The following FAAH2 variants were observed in gnomAD, a reference collection of about 807,000 sequenced individuals.
The protein encoded by FAAH2 is fatty acid amide hydrolase 2, also known as fatty-acid amide hydrolase 2.
In FAAH2, 60 loss-of-function variants were observed where a neutral mutation model predicts 36.9. The observed-to-expected ratio is 1.63, with a 90% CI of 1.32 to 2.02. The LOEUF (loss-of-function observed/expected upper bound fraction) is 2.02, where lower values mean the gene tolerates loss of function less well. Ranked by LOEUF, FAAH2 falls within the 30% of genes most tolerant of loss-of-function variation. The pLI is 0.00. For missense variants in FAAH2, 689 were observed against 397.5 expected (o/e 1.73, Z -6.23); for synonymous variants, 214 against 143.8 (o/e 1.49, Z -3.49).
intron 2 of FAAH2, among the ~76,000 whole-genome samples, chrX:57,299,586 G>T (rs7472965): frequency 8.0e-5 from 9 of 111,977 alleles, no homozygotes; most frequent in African/African-American, 2.9e-4. Flanking sequence ...ATTCAACATA[G>T]TGTTGGAAGT....
In FAAH2 at chrX:57,326,994, T is replaced by C. The variant is rs1053808538; in HGVS notation, c.413-4604T>C. 1.3e-4 allele frequency among the ~76,000 whole-genome samples: 14 copies of C among 106,036 alleles called. 1 individual carries two copies. In the South Asian group the frequency reaches 5.5e-3, roughly 42 times the overall value. 92.1% of individuals were successfully genotyped at this position (106,036 alleles called of 115,157 possible). On this transcript the variant is annotated intron_variant, in intron 3 of 10. Transcript: ENST00000374900. ...GGCTGGTATCGGTTGTTCCTTTCCA[T>C]GTTTAGTGCTTCCTTCAGGAGCTCT...
chrX:57,132,299 A>G, the FAAH2 span, among the ~76,000 whole-genome samples: 23 of 112,213 alleles, frequency 2.0e-4, no homozygotes, highest in Admixed American at 2.0e-3. Context: ...TATGAGAGTT[A>G]TCCAGAGCGG....
chrX:57,249,335 C>A, the FAAH2 span, among the ~76,000 whole-genome samples: 2 of 111,612 alleles, frequency 1.8e-5, no homozygotes, highest in African/African-American at 6.5e-5. Flanking sequence ...AAAACAAAAC[C>A]ATTAAGACCT....
chrX:57,453,284 T>C (rs977030004), intron 10 of FAAH2, among the ~76,000 whole-genome samples: 1 of 112,487 alleles, frequency 8.9e-6, no homozygotes, highest in Admixed American at 9.4e-5. Context: ...ATATATTAAC[T>C]AAAGCATCTA....
chrX:57,471,560 G>A (rs2057166679), intron 10 of FAAH2, among the ~76,000 whole-genome samples: 1 of 111,592 alleles, frequency 9.0e-6, no homozygotes, highest in African/African-American at 3.3e-5. Flanking sequence ...TCTTCAAGGA[G>A]AACTACAAAC....
chrX:57,408,503 A>C lies in FAAH2; in HGVS notation c.997-23415A>C, dbSNP rs2055620694. ...GTATGAGAACATGTCATCTGCAAAC[A>C]CAATTTTGCATTTTCCTTTCCAATT... is the stretch of plus-strand genomic sequence containing the variant. On this transcript the variant is annotated intron_variant, in intron 7 of 10. Coordinates refer to ENST00000374900, the MANE Select transcript of FAAH2 (RefSeq NM_174912.4). Among the ~76,000 whole-genome samples, 3 of 109,394 alleles carry C rather than the reference A, an allele frequency of 2.7e-5. No individual in the cohort carries two copies. The South Asian group carries it at 1.2e-3, about 43-fold the overall frequency. 95.0% of individuals were successfully genotyped at this position (109,394 alleles called of 115,157 possible).
intron 10 of FAAH2, among the ~76,000 whole-genome samples, chrX:57,466,673 T>C (rs906489025): frequency 1.8e-5 from 2 of 111,113 alleles, no homozygotes; most frequent in African/African-American, 6.5e-5. Context: ...AGATTGAAAC[T>C]AAAAGGATGG....
chrX:57,435,004 A>G (rs1452925861), intron 8 of FAAH2, among the ~76,000 whole-genome samples: 1 of 111,565 alleles, frequency 9.0e-6, no homozygotes, highest in South Asian at 3.7e-4. Flanking sequence ...TACAATAAAA[A>G]TGTTTATATC....
At chrX:57,245,779 G>T in the FAAH2 span, among the ~76,000 whole-genome samples, 4 of 112,407 alleles carry the variant, frequency 3.6e-5, no homozygotes. Context: ...AAGTGGGAAA[G>T]ATCTAAAATT....
chrX:57,188,892 AGTG>A, the FAAH2 span, among the ~76,000 whole-genome samples: 1 of 110,957 alleles, frequency 9.0e-6, no homozygotes, highest in East Asian at 2.8e-4. Flanking sequence ...GGAATATCTT[AGTG>A]GTGTTCTCTG....
chrX:57,451,981 TAC>T (rs1314043819), intron 10 of FAAH2: 1 of 123,615 alleles, frequency 8.1e-6, no homozygotes, highest in African/African-American at 3.2e-5. Context: ...AGAAGTTATT[TAC>T]AGTTTTCTTC....
chrX:57,267,197 C>A, the FAAH2 span, among the ~76,000 whole-genome samples: 3 of 112,577 alleles, frequency 2.7e-5, no homozygotes, highest in Admixed American at 1.9e-4. Context: ...CATGGCAAAT[C>A]CCCAAGTCGT....
the FAAH2 span, among the ~76,000 whole-genome samples, chrX:57,177,393 C>T: frequency 9.4e-6 from 1 of 106,098 alleles, no homozygotes; most frequent in Middle Eastern, 4.4e-3. Context: ...GGAAGGCACT[C>T]CTCCTGTGGG....
chrX:57,483,258 T>C (rs749337622), intron 10 of FAAH2, among the ~76,000 whole-genome samples: 14 of 111,798 alleles, frequency 1.3e-4, no homozygotes, highest in Non-Finnish European at 2.4e-4. Context: ...TTTGAGAGAC[T>C]GATCTTCAAT....
chrX:57,376,732 T>C (rs149272620), intron 5 of FAAH2, among the ~76,000 whole-genome samples: 270 of 112,123 alleles, frequency 2.4e-3, no homozygotes, highest in Middle Eastern at 9.2e-3. Context: ...ATCACCACAC[T>C]GTCTTCTGCA....
At chrX:57,348,615 C>T (rs901537647) in intron 5 of FAAH2, among the ~76,000 whole-genome samples, 3 of 110,970 alleles carry the variant, frequency 2.7e-5, no homozygotes, top group Non-Finnish European at 5.7e-5. Flanking sequence ...CAGTCCCTAG[C>T]ACAGCTTTAC....
At chrX:57,432,763 C>G (rs1442714037) in intron 8 of FAAH2, among the ~76,000 whole-genome samples, 4 of 111,363 alleles carry the variant, frequency 3.6e-5, no homozygotes, top group Non-Finnish European at 7.5e-5. Flanking sequence ...TAGAGCATGA[C>G]ACATCCAAAT....
chrX:57,440,403 G>T (rs1175512278), intron 8 of FAAH2, among the ~76,000 whole-genome samples: 7 of 110,901 alleles, frequency 6.3e-5, no homozygotes, highest in African/African-American at 2.3e-4. Flanking sequence ...CTCTCTGATT[G>T]TCTGTTTTTG....
chrX:57,291,505 T>G (rs770173844), intron 1 of FAAH2, among the ~76,000 whole-genome samples: 23 of 112,317 alleles, frequency 2.0e-4, no homozygotes, highest in Admixed American at 5.7e-4. Context: ...AGCTGAGCTT[T>G]TTTTAAAACC....
Sources: allele counts gnomAD v4.1 joint callset (sites outside exome capture counted in the v4.1 genomes callset), GRCh38; gene constraint gnomAD v4.1.1; transcripts MANE v1.5; gene names NCBI Gene and HGNC (gene_info 2026-07-23, HGNC 2026-07-21).